Variants in MYO16 observed in about 807,000 individuals in gnomAD.
MYO16 encodes the protein myosin XVI, also known as unconventional myosin-XVI.
Under a neutral mutation model 205.3 loss-of-function variants are expected in MYO16, and 94 were observed. That is an observed-to-expected ratio of 0.46 (90% confidence interval 0.39 to 0.54). The LOEUF (loss-of-function observed/expected upper bound fraction) is 0.54. MYO16 is among the 20% of genes least tolerant of loss of function. The pLI is 0.00. For missense variants in MYO16, 2,315 were observed against 2,387.5 expected, an observed-to-expected ratio of 0.97 and a Z score of 0.63; for synonymous variants, 988 against 954.0, an observed-to-expected ratio of 1.04 and a Z score of -0.66.
chr13:108,529,450 G>T, the MYO16 span, among the ~76,000 whole-genome samples: 4 of 151,980 alleles, frequency 2.6e-5, no homozygotes, highest in Non-Finnish European at 4.4e-5. Context: ...AAGCACACAG[G>T]TCTTCCAGTG....
At chr13:108,874,212 T>TA (rs398024378) in intron 12 of MYO16, among the ~76,000 whole-genome samples, 14 of 151,564 alleles carry the variant, frequency 9.2e-5, no homozygotes, top group Non-Finnish European at 1.3e-4. Flanking sequence ...GGTTTTTTTT[T>TA]AAAAAGCATC....
upstream of MYO16, among the ~76,000 whole-genome samples, chr13:108,591,391 A>G (rs985184420): frequency 3.3e-5 from 5 of 152,308 alleles, no homozygotes; most frequent in South Asian, 1.0e-3. Flanking sequence ...TTCTTTGAAA[A>G]TCTAGTTGAA....
chr13:108,906,356 C>A (rs58230075), intron 15 of MYO16, among the ~76,000 whole-genome samples: 26,698 of 152,036 alleles, frequency 0.18, 2,692 homozygotes, highest in East Asian at 0.49. Flanking sequence ...TAAATATAGC[C>A]AGGCTATGTG....
chr13:109,140,368 G>C lies in MYO16; in HGVS notation c.4156G>C (p.Glu1386Gln). 6.2e-7 allele frequency: 1 copy of C among 1,601,962 alleles called. No individual in the cohort carries two copies. The highest frequency in any genetic ancestry group is 8.5e-7 in the Non-Finnish European group (1 of 1,178,580). The change falls in exon 32 of 35, where the codon GAG (glutamate) becomes CAG (glutamine). Residue 1386 changes from glutamate to glutamine, a missense_variant. Physicochemically the swap from Glu to Gln is conservative, Grantham distance 29 (BLOSUM62 2). Transcript: ENST00000457511. The surrounding 1 kb of genome is among the most constrained non-coding windows in gnomAD (Gnocchi z 8.0). ...CAACACCAAGCTCAGCGGCTCCTAC[G>C]AGGAGATATCGGGGTCCCGGCCCGG... ...SPNTKLSGSY[E>Q]EISGSRPGDA...
chr13:108,690,657 C>T (rs1190377646), intron 2 of MYO16, among the ~76,000 whole-genome samples: 1 of 152,066 alleles, frequency 6.6e-6, no homozygotes, highest in Non-Finnish European at 1.5e-5. Flanking sequence ...ATTTATGCAA[C>T]CATTTGTCTC....
intron 23 of MYO16, among the ~76,000 whole-genome samples, chr13:109,021,932 G>A (rs1300434762): frequency 2.0e-5 from 3 of 151,730 alleles, no homozygotes; most frequent in Non-Finnish European, 4.4e-5. Flanking sequence ...GGGTCAATAG[G>A]AAATGTACCT....
chr13:109,045,985 CAAAT>C (rs779135049), intron 23 of MYO16, among the ~76,000 whole-genome samples: 4,972 of 152,116 alleles, frequency 0.033, 127 homozygotes, highest in South Asian at 0.055. Context: ...GGCGAGGAGG[CAAAT>C]TCTCCCTCAC....
At chr13:108,691,833 T>C (rs1341482406) in intron 2 of MYO16, among the ~76,000 whole-genome samples, 16 of 152,176 alleles carry the variant, frequency 1.1e-4, no homozygotes, top group Non-Finnish European at 2.2e-4. Flanking sequence ...GATGATATAT[T>C]TGATGAACAG....
chr13:109,000,575 AAAG>A (rs1414953337), intron 21 of MYO16, among the ~76,000 whole-genome samples: 5 of 152,218 alleles, frequency 3.3e-5, no homozygotes, highest in South Asian at 4.1e-4. Context: ...TTATATGAAA[AAAG>A]AAAGCATATT....
intron 3 of MYO16, among the ~76,000 whole-genome samples, chr13:108,719,304 C>G (rs964762056): frequency 1.3e-5 from 2 of 152,164 alleles, no homozygotes; most frequent in Non-Finnish European, 2.9e-5. Context: ...GGTTTCCTTA[C>G]TTATCAGCCT....
At chr13:109,065,680 C>A in intron 27 of MYO16, 1 of 387,494 alleles carries the variant, frequency 2.6e-6, no homozygotes, top group Non-Finnish European at 4.9e-6. Flanking sequence ...TTCCAATGGT[C>A]ATGAAGGGCT....
the MYO16 span, among the ~76,000 whole-genome samples, chr13:108,569,355 A>C: frequency 3.9e-5 from 6 of 152,070 alleles, no homozygotes; most frequent in African/African-American, 1.4e-4. Context: ...TTTTGGTTTT[A>C]GGATACAAAT....
chr13:109,010,053 T>G (rs1885540377), intron 22 of MYO16, among the ~76,000 whole-genome samples: 1 of 152,194 alleles, frequency 6.6e-6, no homozygotes, highest in Admixed American at 6.5e-5. Context: ...TGGGCCATAT[T>G]TATATTTCAA....
At chr13:108,711,198 T>C (rs1284075267) in intron 2 of MYO16, among the ~76,000 whole-genome samples, 1 of 152,180 alleles carries the variant, frequency 6.6e-6, no homozygotes, top group Non-Finnish European at 1.5e-5. Flanking sequence ...CAACTTCTTG[T>C]AACAGCAGAG....
chr13:108,699,854 T>C (rs1320600175), intron 2 of MYO16, among the ~76,000 whole-genome samples: 3 of 152,194 alleles, frequency 2.0e-5, no homozygotes, highest in African/African-American at 7.2e-5. Context: ...AATTTCTTCT[T>C]CTCAATGAGA....
intron 1 of MYO16, among the ~76,000 whole-genome samples, chr13:108,661,927 A>G (rs1881519576): frequency 6.6e-6 from 1 of 152,134 alleles, no homozygotes; most frequent in African/African-American, 2.4e-5. Flanking sequence ...GTCAGAGGAA[A>G]GGTCTAGGGC....
At chr13:108,979,033 G>A (rs1184478264) in intron 20 of MYO16, among the ~76,000 whole-genome samples, 1 of 151,786 alleles carries the variant, frequency 6.6e-6, no homozygotes, top group East Asian at 1.9e-4. Flanking sequence ...TTACATTCCT[G>A]ATACTGTTTC....
intron 34 of MYO16, among the ~76,000 whole-genome samples, chr13:109,196,436 G>A (rs923896643): frequency 1.3e-5 from 2 of 152,098 alleles, no homozygotes; most frequent in African/African-American, 2.4e-5. Context: ...CAACCCATAG[G>A]GAAATGGGTC....
intron 11 of MYO16, among the ~76,000 whole-genome samples, chr13:108,857,971 G>A (rs891352247): frequency 1.3e-5 from 2 of 152,140 alleles, no homozygotes; most frequent in African/African-American, 4.8e-5. Context: ...CTAAAATACA[G>A]AAAAGCTCAA....
Sources: gnomAD v4.1 joint callset for allele counts (sites outside exome capture counted in the v4.1 genomes callset) on GRCh38, gnomAD v4.1.1 for gene constraint, Gnocchi (gnomAD v3.1) non-coding constraint, MANE v1.5 for transcripts, NCBI Gene and HGNC (gene_info 2026-07-23, HGNC 2026-07-21) for gene names.